ASAP2: variants seen among roughly 807,000 people sequenced by gnomAD.
ASAP2 encodes the protein arf-GAP with SH3 domain, ANK repeat and PH domain-containing protein 2.
In ASAP2, 45 loss-of-function variants were observed where a neutral mutation model predicts 131.4. That is an observed-to-expected ratio of 0.34 (90% CI 0.27 to 0.44). The LOEUF is 0.44. Ranked by LOEUF, ASAP2 falls within the 20% of genes least tolerant of loss-of-function variation. The pLI is 1.00. For synonymous variants in ASAP2, 510 were observed against 503.0 expected, an observed-to-expected ratio of 1.01 and a Z score of -0.19; for missense variants, 1,011 against 1,297.0, an observed-to-expected ratio of 0.78 and a Z score of 3.39.
rs986201693 is a variant in ASAP2 at position 9,403,937 on chromosome 2, G to C, written c.*610G>C. 1 of 152,320 alleles carries C rather than the reference G, an allele frequency of 6.6e-6. No individual in the cohort carries two copies. The highest frequency in any genetic ancestry group is 2.4e-5 in the African/African-American group (1 of 41,410). 9.4% of individuals were successfully genotyped at this position (152,320 alleles called of 1,614,324 possible). On this transcript the variant is annotated 3_prime_UTR_variant, in exon 28 of 28. Coordinates refer to ENST00000281419, the MANE Select transcript of ASAP2 (RefSeq NM_003887.3). ...TCTGCATGTATGTATAACCTGTTGT[G>C]AACAATCATACTTAACAAAACTACT...
At position 9,358,800 on chromosome 2, in the gene ASAP2, G is replaced by A. The variant is rs770165709; in HGVS notation, c.1372G>A (p.Glu458Lys). The change falls in exon 15 of 28, where the codon GAG (glutamate) becomes AAG (lysine). Residue 458 changes from glutamate to lysine, a missense_variant. Physicochemically the swap from Glu to Lys is moderately conservative, Grantham distance 56 (BLOSUM62 1). Coordinates refer to ENST00000281419, the MANE Select transcript of ASAP2 (RefSeq NM_003887.3). ...CAACCTGGGCATCCTGACCTGCATC[G>A]AGTGTTCCGGAATCCACCGAGAGCT... ...STNLGILTCI[E>K]CSGIHRELGV... The A allele has an allele frequency of 5.0e-6, 8 of 1,610,882 alleles. No homozygotes were observed. The highest frequency in any genetic ancestry group is 1.3e-5 in the African/African-American group (1 of 74,192).
chr2:9,317,352 C>T (rs1260752796), intron 3 of ASAP2, among the ~76,000 whole-genome samples: 1 of 151,154 alleles, frequency 6.6e-6, no homozygotes, highest in Non-Finnish European at 1.5e-5. Flanking sequence ...CACACCCTCA[C>T]ACAATCATTC....
At chr2:9,234,934 A>C (rs914324676) in intron 1 of ASAP2, among the ~76,000 whole-genome samples, 4 of 152,136 alleles carry the variant, frequency 2.6e-5, no homozygotes, top group African/African-American at 9.7e-5. Context: ...AATTGAACAC[A>C]TCCTGTTTGG....
At chr2:9,218,953 G>C (rs1218695300) in intron 1 of ASAP2, among the ~76,000 whole-genome samples, 1 of 152,210 alleles carries the variant, frequency 6.6e-6, no homozygotes. Context: ...TGGTACTTGA[G>C]CTGGAATCCC....
chr2:9,401,028 C>CA (rs1322246163), intron 26 of ASAP2, among the ~76,000 whole-genome samples, 198 bp downstream of exon 26: 2 of 152,102 alleles, frequency 1.3e-5, no homozygotes, highest in African/African-American at 4.8e-5. Context: ...TGGGCCCACT[C>CA]AGAGTACCCT....
intron 1 of ASAP2, among the ~76,000 whole-genome samples, chr2:9,253,588 C>T (rs1664880049): frequency 6.6e-6 from 1 of 152,210 alleles, no homozygotes; most frequent in African/African-American, 2.4e-5. Flanking sequence ...CCCATTCCTG[C>T]CTCCTGTCAT....
intron 1 of ASAP2, among the ~76,000 whole-genome samples, chr2:9,214,340 G>A (rs1480550396): frequency 6.6e-6 from 1 of 151,964 alleles, no homozygotes; most frequent in Admixed American, 6.6e-5. Context: ...CGAGTTCAAG[G>A]GGGATTCTCC....
chr2:9,333,156 C>T (rs1670953338), intron 7 of ASAP2, among the ~76,000 whole-genome samples: 1 of 152,266 alleles, frequency 6.6e-6, no homozygotes, highest in South Asian at 2.1e-4. Flanking sequence ...CCTCACATGA[C>T]ATATGTGAAA....
chr2:9,224,719 G>A (rs932706150), intron 1 of ASAP2, among the ~76,000 whole-genome samples: 3 of 152,174 alleles, frequency 2.0e-5, no homozygotes, highest in Non-Finnish European at 2.9e-5. Flanking sequence ...CTGAATTCTT[G>A]AAGCAATTAG....
chr2:9,270,975 A>T (rs1322927295), intron 1 of ASAP2, among the ~76,000 whole-genome samples: 1 of 150,798 alleles, frequency 6.6e-6, no homozygotes, highest in African/African-American at 2.4e-5. Flanking sequence ...TTGTATTTTT[A>T]GTAGAGACGG....
intron 2 of ASAP2, among the ~76,000 whole-genome samples, chr2:9,296,549 A>G (rs1348694304): frequency 6.6e-6 from 1 of 152,246 alleles, no homozygotes. Context: ...TTTCTGCTCA[A>G]ACAACATGTG....
chr2:9,356,160 G>C lies in ASAP2; in HGVS notation c.1161-19G>C. ...CGTTGTTTGTGGAATTTAACACAGC[G>C]TTGCTCTTGTTTTTCTAGATGGATG... On this transcript the variant is annotated intron_variant, in intron 13 of 27. Transcript: ENST00000281419. The C allele has an allele frequency of 1.2e-6, 2 of 1,614,116 alleles. No homozygotes were observed. The highest frequency in any genetic ancestry group is 1.3e-5 in the African/African-American group (1 of 75,034).
intron 9 of ASAP2, among the ~76,000 whole-genome samples, chr2:9,338,770 A>C (rs987015509): frequency 1.3e-5 from 2 of 152,146 alleles, no homozygotes; most frequent in African/African-American, 4.8e-5. Flanking sequence ...TAATGAGAGC[A>C]CTCGTGGACA....
intron 15 of ASAP2, among the ~76,000 whole-genome samples, chr2:9,364,640 G>A (rs1226625482): frequency 6.6e-6 from 1 of 152,118 alleles, no homozygotes; most frequent in East Asian, 1.9e-4. Flanking sequence ...ATGTTAAAGC[G>A]GGTCAACACA....
intron 12 of ASAP2, among the ~76,000 whole-genome samples, chr2:9,352,447 T>C (rs1672417146): frequency 6.6e-6 from 1 of 152,192 alleles, no homozygotes; most frequent in South Asian, 2.1e-4. Context: ...TCATAAGCAA[T>C]AATAGTGAAC....
At chr2:9,346,195 A>G (rs1671951824) in intron 11 of ASAP2, among the ~76,000 whole-genome samples, 3 of 152,116 alleles carry the variant, frequency 2.0e-5, no homozygotes, top group African/African-American at 7.2e-5. Flanking sequence ...AGGGAGGCCG[A>G]GGCGGGCAGA....
chr2:9,322,405 TG>T (rs1388197056), intron 5 of ASAP2, among the ~76,000 whole-genome samples: 1 of 152,224 alleles, frequency 6.6e-6, no homozygotes. Flanking sequence ...CTGCTTCCCT[TG>T]TCTTCATGGC....
intron 7 of ASAP2, among the ~76,000 whole-genome samples, chr2:9,330,693 T>C (rs930760597): frequency 2.0e-5 from 3 of 152,210 alleles, no homozygotes; most frequent in Non-Finnish European, 4.4e-5. Flanking sequence ...ACAGTTCTTA[T>C]GTCAGGCAAT....
At chr2:9,223,692 C>T (rs1213621149) in intron 1 of ASAP2, among the ~76,000 whole-genome samples, 4 of 152,172 alleles carry the variant, frequency 2.6e-5, no homozygotes, top group Non-Finnish European at 5.9e-5. Context: ...TTTTGTTTCC[C>T]TGTAGGTCAG....
Sources: allele counts gnomAD v4.1 joint callset (sites outside exome capture counted in the v4.1 genomes callset), GRCh38; gene constraint gnomAD v4.1.1; transcripts MANE v1.5; gene names NCBI Gene and HGNC (gene_info 2026-07-23, HGNC 2026-07-21).